Variants in NFATC2 observed in about 807,000 individuals in gnomAD.
NFATC2 encodes nuclear factor of activated T cells 2.
A neutral mutation model predicts 87.3 loss-of-function variants in NFATC2; 22 were observed. The ratio of observed to expected loss-of-function variants is 0.25; its 90% CI spans 0.18 to 0.36. NFATC2 has a LOEUF of 0.36. Ranked by LOEUF, NFATC2 falls within the 10% of genes least tolerant of loss-of-function variation. NFATC2 has a pLI of 1.00. For missense variants in NFATC2, 1,149 were observed against 1,259.1 expected (o/e 0.91, Z 1.32); for synonymous variants, 565 against 542.2 (o/e 1.04, Z -0.58).
intron 1 of NFATC2, among the ~76,000 whole-genome samples, chr20:51,558,998 A>G (rs2077000435): frequency 6.6e-6 from 1 of 152,192 alleles, no homozygotes; most frequent in Admixed American, 6.5e-5. Context: ...AAAGTTCTTA[A>G]TAAAGTTAGT....
intron 1 of NFATC2, among the ~76,000 whole-genome samples, chr20:51,540,241 G>A (rs1245383079): frequency 6.6e-6 from 1 of 152,142 alleles, no homozygotes; most frequent in African/African-American, 2.4e-5. Context: ...TTGACCTCCT[G>A]ACCTCAGGTG....
chr20:51,523,293 A>G lies in NFATC2; in HGVS notation c.948T>C (p.Cys316=). 3.7e-6 allele frequency: 6 copies of G among 1,613,780 alleles called. No homozygotes were observed. The highest frequency in any genetic ancestry group is 5.1e-6 in the Non-Finnish European group (6 of 1,179,816). ...ALNSLATDSP[C]GIPPKMWKTS... is the part of the protein sequence containing the mutation. ...TCTTCCACATCTTGGGGGGGATCCC[A>G]CAAGGCGAGTCCGTGGCGAGGCTGT... is the stretch of plus-strand genomic sequence containing the variant. Residue 316 remains cysteine (C), a synonymous_variant, in exon 2 of 11, where the codon TGT becomes TGC. Coordinates refer to ENST00000371564, the MANE Select transcript of NFATC2 (RefSeq NM_012340.5). The surrounding 1 kb of genome is among the most constrained non-coding windows in gnomAD (Gnocchi z 6.9).
intron 1 of NFATC2, among the ~76,000 whole-genome samples, chr20:51,531,447 T>C (rs1464352826): frequency 6.6e-6 from 1 of 152,218 alleles, no homozygotes; most frequent in African/African-American, 2.4e-5. Flanking sequence ...TGTGAATATG[T>C]GGAGAAATCT....
chr20:51,402,458 C>A (rs987342707), intron 9 of NFATC2, among the ~76,000 whole-genome samples: 1 of 141,084 alleles, frequency 7.1e-6, no homozygotes, highest in Non-Finnish European at 1.5e-5. Flanking sequence ...ACAAGCCCTG[C>A]AAAATAACTT....
chr20:51,549,778 G>A (rs369327221), intron 1 of NFATC2, among the ~76,000 whole-genome samples: 17 of 152,314 alleles, frequency 1.1e-4, no homozygotes, highest in African/African-American at 2.6e-4. Flanking sequence ...AGTAGCAGCC[G>A]GGGCTCGCTT....
rs1422479313 is a variant in NFATC2 at position 51,432,261 on chromosome 20, C to G, written c.2528G>C (p.Arg843Thr). Reference sequence around the variant, plus strand: ...TTGACTGACCGGGGGCGGGCCAGGTCTGGTGGTGCCTGGTGCGAAATTCTC... The same window carrying G: ...TTGACTGACCGGGGGCGGGCCAGGTGTGGTGGTGCCTGGTGCGAAATTCTC... ...YCENFAPGTT[R>T]PGPPPVSQGQ... The change falls in exon 9 of 11, where the codon AGA becomes ACA. Residue 843 changes from arginine to threonine, a missense_variant. Arg to Thr is a moderately conservative substitution (Grantham distance 71, BLOSUM62 -1). Coordinates refer to ENST00000371564, the MANE Select transcript of NFATC2 (RefSeq NM_012340.5). This position sits in a 1 kb window ranked among gnomAD's most constrained non-coding sequence, Gnocchi z 4.6. 1 of 1,614,058 alleles carries G rather than the reference C, an allele frequency of 6.2e-7. No homozygotes were observed. The highest frequency in any genetic ancestry group is 1.3e-5 in the African/African-American group (1 of 74,918).
At chr20:51,509,533 A>G (rs982514059) in intron 3 of NFATC2, among the ~76,000 whole-genome samples, 1 of 152,168 alleles carries the variant, frequency 6.6e-6, no homozygotes. Flanking sequence ...AGGAGGTCCA[A>G]TGGAACCTTC....
intron 3 of NFATC2, among the ~76,000 whole-genome samples, chr20:51,498,399 G>A (rs6013200): frequency 0.12 from 17,684 of 152,178 alleles, 1,787 homozygotes; most frequent in African/African-American, 0.28. Flanking sequence ...CGATGAAGGA[G>A]ATGAAAGATG....
chr20:51,398,809 C>T (rs1021690480), intron 9 of NFATC2, 79 bp from the exon 10 acceptor site: 4 of 959,184 alleles, frequency 4.2e-6, no homozygotes, highest in African/African-American at 3.2e-5. Context: ...CCAACTCATG[C>T]CGATATCATC....
At chr20:51,442,283 T>G (rs1984449379) in intron 6 of NFATC2, among the ~76,000 whole-genome samples, 1 of 151,970 alleles carries the variant, frequency 6.6e-6, no homozygotes, top group African/African-American at 2.4e-5. Flanking sequence ...AATACAAAAA[T>G]TAGCTGGGTG....
chr20:51,411,444 A>G (rs1276087389), intron 9 of NFATC2, among the ~76,000 whole-genome samples: 1 of 150,726 alleles, frequency 6.6e-6, no homozygotes, highest in Non-Finnish European at 1.5e-5. Flanking sequence ...ACACCCATAC[A>G]CACACACACA....
At chr20:51,461,582 G>C (rs572033703) in intron 5 of NFATC2, among the ~76,000 whole-genome samples, 5 of 152,228 alleles carry the variant, frequency 3.3e-5, no homozygotes, top group Non-Finnish European at 7.3e-5. Context: ...TGTTGACTTT[G>C]TCTTGCAACT....
intron 3 of NFATC2, among the ~76,000 whole-genome samples, chr20:51,496,060 G>A (rs2075983058): frequency 6.6e-6 from 1 of 152,174 alleles, no homozygotes; most frequent in African/African-American, 2.4e-5. Flanking sequence ...CCCACCCAGG[G>A]TCACCAACAA....
At chr20:51,493,773 C>G (rs1486342610) in intron 3 of NFATC2, among the ~76,000 whole-genome samples, 5 of 152,174 alleles carry the variant, frequency 3.3e-5, no homozygotes, top group African/African-American at 7.2e-5. Context: ...GTGGCAACCT[C>G]AGCACCATGT....
chr20:51,558,532 T>C (rs2076997179), intron 1 of NFATC2, among the ~76,000 whole-genome samples: 1 of 152,090 alleles, frequency 6.6e-6, no homozygotes, highest in Non-Finnish European at 1.5e-5. Context: ...ACAATAGTAA[T>C]GACCGCAATT....
intron 9 of NFATC2, among the ~76,000 whole-genome samples, chr20:51,424,341 C>T (rs938698655): frequency 7.2e-5 from 11 of 152,142 alleles, no homozygotes; most frequent in African/African-American, 2.7e-4. Context: ...TCGTCAGAGC[C>T]TAGCTCTGCC....
chr20:51,437,677 G>C (rs1983768319), intron 6 of NFATC2, among the ~76,000 whole-genome samples: 1 of 152,046 alleles, frequency 6.6e-6, no homozygotes, highest in African/African-American at 2.4e-5. Context: ...TAACAATTAA[G>C]TCTGTAAGTC....
At chr20:51,561,485 AAGCAAGC>A (rs1601029279) in intron 1 of NFATC2, among the ~76,000 whole-genome samples, 1 of 71,036 alleles carries the variant, frequency 1.4e-5, no homozygotes, top group East Asian at 4.4e-4. Context: ...GAAAGAAAGA[AAGCAAGC>A]AAGCAAGCAA....
Position 51,542,647 on chromosome 20 carries a change from C to G in NFATC2, c.-148G>C. 3.4e-6 allele frequency: 4 copies of G among 1,168,498 alleles called. No individual in the cohort carries two copies. The highest frequency in any genetic ancestry group is 4.2e-6 in the Non-Finnish European group (4 of 946,556). The allele number at this position is 1,168,498 out of a possible 1,614,324, so 72.4% of individuals were successfully genotyped here. A position where few individuals can be genotyped will look rare whatever the true frequency, so the allele number is the denominator to read the frequency against. ...GCACGCCGGGTCCGGGGACGGCGCG[C>G]CTGGCGCAGCGGGTCCTGGACGCGC... On this transcript the variant is annotated 5_prime_UTR_variant, in exon 1 of 11. Coordinates refer to ENST00000371564, the MANE Select transcript of NFATC2 (RefSeq NM_012340.5).
Sources: allele counts gnomAD v4.1 joint callset (sites outside exome capture counted in the v4.1 genomes callset), GRCh38; gene constraint gnomAD v4.1.1; non-coding constraint Gnocchi (gnomAD v3.1); transcripts MANE v1.5; gene names NCBI Gene and HGNC (gene_info 2026-07-23, HGNC 2026-07-21).